Variants in NPAS2 observed in about 807,000 individuals in gnomAD.
NPAS2 encodes the protein neuronal PAS domain protein 2.
In NPAS2, 23 loss-of-function variants were observed where a neutral mutation model predicts 107.5. The observed-to-expected ratio is 0.21, with a 90% CI of 0.15 to 0.30. The LOEUF (loss-of-function observed/expected upper bound fraction) is 0.30, where lower values mean the gene tolerates loss of function less well. Ranked by LOEUF, NPAS2 falls within the 10% of genes least tolerant of loss-of-function variation. The probability of loss-of-function intolerance (pLI) is 1.00; values close to 1 mark genes in which losing one functional copy is unlikely to be tolerated. For synonymous variants in NPAS2, 403 were observed against 417.5 expected (o/e 0.97, Z 0.42); for missense variants, 756 against 1,043.3 (o/e 0.72, Z 3.79).
rs573720415 is a variant in NPAS2, at chr2:100,828,954, G to A, written c.-23+8540G>A. On this transcript the variant is annotated intron_variant, in intron 1 of 20. Transcript: ENST00000335681. ...GAAAAATGACATTGGTTGTTTGATAGGAATAGCACTGAATCTGTAGATTGC... is the reference window on the plus strand; with the variant it reads ...GAAAAATGACATTGGTTGTTTGATAAGAATAGCACTGAATCTGTAGATTGC... Among the ~76,000 whole-genome samples, 14 of 152,270 alleles carry A rather than the reference G, an allele frequency of 9.2e-5. No homozygotes were observed. In the South Asian group the frequency reaches 2.9e-3, roughly 32 times the overall value.
At chr2:100,975,280 C>T in intron 13 of NPAS2, 178 bp from the exon 14 acceptor site, 2 of 640,970 alleles carry the variant, frequency 3.1e-6, no homozygotes, top group East Asian at 5.5e-5. Flanking sequence ...TGTGGTGTCT[C>T]CTACCTGCTC....
At chr2:100,930,903 CAA>C (rs879655418) in intron 3 of NPAS2, among the ~76,000 whole-genome samples, 76 of 152,248 alleles carry the variant, frequency 5.0e-4, no homozygotes, top group African/African-American at 1.3e-3. Context: ...TCCTAGTGGT[CAA>C]AAGAGTCTCA....
At chr2:100,894,516 T>C (rs1429591350) in intron 1 of NPAS2, among the ~76,000 whole-genome samples, 4 of 152,132 alleles carry the variant, frequency 2.6e-5, no homozygotes, top group Non-Finnish European at 5.9e-5. Context: ...TACTTCCCAT[T>C]CACTTAGGAG....
Position 100,820,923 on chromosome 2 carries a change from T to C in NPAS2, c.-23+509T>C. Reference sequence around the variant, plus strand: ...GGAATTGGTTCCGGGCCGGATTGGGTGCGGAATCGGTGCCCCCAACCCCCG... The same window carrying C: ...GGAATTGGTTCCGGGCCGGATTGGGCGCGGAATCGGTGCCCCCAACCCCCG... On this transcript the variant is annotated intron_variant, in intron 1 of 20. Coordinates refer to ENST00000335681, the MANE Select transcript of NPAS2 (RefSeq NM_002518.4). The surrounding 1 kb of genome is among the most constrained non-coding windows in gnomAD (Gnocchi z 5.6). 1 of 681,184 alleles carries C rather than the reference T, an allele frequency of 1.5e-6. No individual in the cohort carries two copies. Among genetic ancestry groups the C allele is most frequent in the East Asian group, 7.2e-5 (1 of 13,886 alleles). 42.2% of individuals were successfully genotyped at this position (681,184 alleles called of 1,614,324 possible).
intron 7 of NPAS2, among the ~76,000 whole-genome samples, chr2:100,954,217 C>A (rs1421009825): frequency 6.6e-6 from 1 of 152,156 alleles, no homozygotes; most frequent in Non-Finnish European, 1.5e-5. Flanking sequence ...CCTGAAGGAC[C>A]TGGTTGGGGT....
At chr2:100,909,737 G>GTT (rs34081201) in intron 2 of NPAS2, among the ~76,000 whole-genome samples, 1 of 146,888 alleles carries the variant, frequency 6.8e-6, no homozygotes, top group African/African-American at 2.5e-5. Flanking sequence ...CTTCCTCTTT[G>GTT]TTTTTTTTTT....
rs113815678 is a variant in NPAS2 at position 100,885,239 on chromosome 2, C to T, written c.-22-19494C>T. On this transcript the variant is annotated intron_variant, in intron 1 of 20. Transcript: ENST00000335681. Reference sequence around the variant, plus strand: ...TGCTGGGATTACAGGCGTGAGCCACCGCGCCCAGCCGATCCTTTGTATTCT... The same window carrying T: ...TGCTGGGATTACAGGCGTGAGCCACTGCGCCCAGCCGATCCTTTGTATTCT... Among the ~76,000 whole-genome samples, 167 of 152,212 alleles carry T rather than the reference C, an allele frequency of 1.1e-3. 1 individual carries two copies. The highest frequency in any genetic ancestry group is 3.6e-3 in the African/African-American group (148 of 41,548).
At chr2:100,821,206 A>C (rs1286028921) in intron 1 of NPAS2, 1 of 1,302,872 alleles carries the variant, frequency 7.7e-7, no homozygotes, top group Non-Finnish European at 1.0e-6. Context: ...CAAGGTAAGA[A>C]AGTTTGTTTC....
intron 2 of NPAS2, among the ~76,000 whole-genome samples, chr2:100,915,544 C>T (rs1014096680): frequency 6.6e-6 from 1 of 152,144 alleles, no homozygotes; most frequent in African/African-American, 2.4e-5. Context: ...TCAGAATAGA[C>T]CACCACCCAA....
intron 10 of NPAS2, among the ~76,000 whole-genome samples, chr2:100,966,801 T>C: frequency 6.6e-6 from 1 of 152,050 alleles, no homozygotes; most frequent in East Asian, 1.9e-4. Context: ...TTCACCATGT[T>C]GGTCAGGATG....
intron 2 of NPAS2, among the ~76,000 whole-genome samples, chr2:100,921,624 C>T (rs1355713511): frequency 1.3e-5 from 2 of 152,152 alleles, no homozygotes; most frequent in Admixed American, 1.3e-4. Context: ...TGAACAAACG[C>T]CTCACAAAAT....
chr2:100,916,366 C>T (rs1682881794), intron 2 of NPAS2, among the ~76,000 whole-genome samples: 1 of 151,928 alleles, frequency 6.6e-6, no homozygotes, highest in Non-Finnish European at 1.5e-5. Flanking sequence ...ACATTCAACT[C>T]AAATATGATG....
intron 12 of NPAS2, among the ~76,000 whole-genome samples, chr2:100,971,612 T>C (rs1245893191): frequency 6.6e-6 from 1 of 152,196 alleles, no homozygotes; most frequent in Non-Finnish European, 1.5e-5. Context: ...GGGGTGTTAG[T>C]GAACATCATG....
intron 1 of NPAS2, among the ~76,000 whole-genome samples, chr2:100,845,079 T>G (rs1677689774): frequency 6.6e-6 from 1 of 152,154 alleles, no homozygotes; most frequent in Non-Finnish European, 1.5e-5. Context: ...GATTGGAGGC[T>G]GTTGGCATGG....
intron 2 of NPAS2, among the ~76,000 whole-genome samples, chr2:100,906,701 A>G (rs1227176743): frequency 6.6e-6 from 1 of 152,188 alleles, no homozygotes; most frequent in Non-Finnish European, 1.5e-5. Context: ...AGCGCAGGCC[A>G]TTCTTATTAG....
At chr2:100,865,953 A>T (rs543460349) in intron 1 of NPAS2, among the ~76,000 whole-genome samples, 2 of 152,224 alleles carry the variant, frequency 1.3e-5, no homozygotes, top group East Asian at 3.9e-4. Flanking sequence ...CTGTCTCTTC[A>T]CTGATTTTGA....
chr2:100,946,870 A>G (rs1674929349), intron 5 of NPAS2, among the ~76,000 whole-genome samples: 1 of 152,134 alleles, frequency 6.6e-6, no homozygotes, highest in African/African-American at 2.4e-5. Context: ...GAGGGTAAGG[A>G]CGAGAAGGAG....
At chr2:100,961,402 A>G (rs926909950) in intron 7 of NPAS2, among the ~76,000 whole-genome samples, 1 of 152,168 alleles carries the variant, frequency 6.6e-6, no homozygotes, top group East Asian at 1.9e-4. Context: ...TAAAGCATTC[A>G]TCCTTGATTT....
chr2:100,877,981 G>T (rs540455555), intron 1 of NPAS2: 1 of 985,402 alleles, frequency 1.0e-6, no homozygotes, highest in East Asian at 1.1e-4. Context: ...ATAGTCTGGG[G>T]CCTGCAGAAT....
Sources: gnomAD v4.1 joint callset for allele counts (sites outside exome capture counted in the v4.1 genomes callset) on GRCh38, gnomAD v4.1.1 for gene constraint, Gnocchi (gnomAD v3.1) non-coding constraint, MANE v1.5 for transcripts, NCBI Gene and HGNC (gene_info 2026-07-23, HGNC 2026-07-21) for gene names.